DGKB: variants seen among roughly 807,000 people sequenced by gnomAD.
The protein encoded by DGKB is 90 kDa diacylglycerol kinase.
A neutral mutation model predicts 114.3 loss-of-function variants in DGKB; 67 were observed. The ratio of observed to expected loss-of-function variants is 0.59; its 90% confidence interval spans 0.48 to 0.72. DGKB has a LOEUF of 0.72. DGKB is among the 30% of genes least tolerant of loss of function. The probability of loss-of-function intolerance (pLI) is 0.00; values close to 1 mark genes in which losing one functional copy is unlikely to be tolerated. For synonymous variants in DGKB, 398 were observed against 323.1 expected (o/e 1.23, Z -2.49); for missense variants, 907 against 975.2 (o/e 0.93, Z 0.93).
chr7:14,588,791 C>T (rs1034744978), intron 17 of DGKB, among the ~76,000 whole-genome samples: 2 of 152,062 alleles, frequency 1.3e-5, no homozygotes, highest in African/African-American at 4.8e-5. Flanking sequence ...GCACTAGTAC[C>T]ATACTCTCGC....
chr7:14,174,691 A>G (rs891167330), intron 25 of DGKB, among the ~76,000 whole-genome samples: 3 of 152,022 alleles, frequency 2.0e-5, no homozygotes, highest in Non-Finnish European at 1.5e-5. Context: ...TTTTACCACT[A>G]TTTCCACCAT....
chr7:14,759,070 G>A (rs1297018704), intron 2 of DGKB, among the ~76,000 whole-genome samples: 1 of 152,076 alleles, frequency 6.6e-6, no homozygotes, highest in African/African-American at 2.4e-5. Flanking sequence ...GATTACAGGG[G>A]CTTACCACCA....
chr7:14,785,489 C>A (rs1454153350), intron 2 of DGKB, among the ~76,000 whole-genome samples: 4 of 151,916 alleles, frequency 2.6e-5, no homozygotes, highest in Non-Finnish European at 1.5e-5. Flanking sequence ...ATGGCATAAA[C>A]CTCAAACGTC....
chr7:14,584,697 C>T (rs917490486), intron 17 of DGKB, among the ~76,000 whole-genome samples: 7 of 150,560 alleles, frequency 4.6e-5, no homozygotes, highest in African/African-American at 9.8e-5. Flanking sequence ...TCACTTTTGT[C>T]GCCCAATATG....
At chr7:14,207,260 G>A (rs1012912948) in intron 23 of DGKB, among the ~76,000 whole-genome samples, 3 of 152,078 alleles carry the variant, frequency 2.0e-5, no homozygotes, top group African/African-American at 7.2e-5. Flanking sequence ...ATCAGAGTGT[G>A]AGTCATCGTG....
chr7:14,775,274 T>C (rs1025577734), intron 2 of DGKB, among the ~76,000 whole-genome samples: 3 of 152,016 alleles, frequency 2.0e-5, no homozygotes, highest in Admixed American at 2.0e-4. Context: ...TTTATAGCTG[T>C]ACCACAATTT....
chr7:14,886,877 T>G (rs566562762), intron 1 of DGKB, among the ~76,000 whole-genome samples: 69 of 152,070 alleles, frequency 4.5e-4, no homozygotes, highest in Middle Eastern at 3.4e-3. Flanking sequence ...ATCTGACTCC[T>G]GCTTAATCTC....
intron 23 of DGKB, among the ~76,000 whole-genome samples, chr7:14,206,786 T>C (rs1227648135): frequency 6.6e-6 from 1 of 152,094 alleles, no homozygotes; most frequent in Admixed American, 6.6e-5. Context: ...CAAATTCTAA[T>C]ATGCAAGTAA....
At chr7:14,371,159 A>T (rs1335131381) in intron 21 of DGKB, among the ~76,000 whole-genome samples, 1 of 152,102 alleles carries the variant, frequency 6.6e-6, no homozygotes. Context: ...TGGTAGAATC[A>T]TTTATTTTCT....
At chr7:14,345,077 A>T (rs552979757) in intron 22 of DGKB, among the ~76,000 whole-genome samples, 70 of 151,762 alleles carry the variant, frequency 4.6e-4, no homozygotes, top group Non-Finnish European at 9.2e-4. Flanking sequence ...TCCACTTCTC[A>T]TTCTTTTATA....
At chr7:14,273,429 T>C (rs1798549525) in intron 23 of DGKB, among the ~76,000 whole-genome samples, 3 of 152,160 alleles carry the variant, frequency 2.0e-5, no homozygotes, top group African/African-American at 7.2e-5. Flanking sequence ...GGCAATCTCA[T>C]TTCAGATGTA....
At position 14,750,793 on chromosome 7, in the gene DGKB, C is replaced by CTTTTTTTTTTTTTT. The variant is rs1016534410; in HGVS notation, c.168+3121_168+3134dup. On this transcript the variant is annotated intron_variant, in intron 4 of 25. Coordinates refer to ENST00000402815, the MANE Select transcript of DGKB (RefSeq NM_001350709.2). ...TCCCTTGAAAAAGCTATTTCTATTT[C>CTTTTTTTTTTTTTT]TTTTTTTTTTTTTTTTTTTTTTTCT... Among the ~76,000 whole-genome samples, 57 of 89,568 alleles carry CTTTTTTTTTTTTTT rather than the reference C, an allele frequency of 6.4e-4. 5 individuals are homozygous for CTTTTTTTTTTTTTT. Among genetic ancestry groups the CTTTTTTTTTTTTTT allele is most frequent in the African/African-American group, 1.3e-3 (26 of 19,462 alleles). 58.8% of individuals were successfully genotyped at this position (89,568 alleles called of 152,430 possible). A position where few individuals can be genotyped will look rare whatever the true frequency, so the allele number is the denominator to read the frequency against.
At chr7:14,345,776 T>C (rs930751723) in intron 21 of DGKB, among the ~76,000 whole-genome samples, 1 of 151,672 alleles carries the variant, frequency 6.6e-6, no homozygotes, top group Non-Finnish European at 1.5e-5. Context: ...ACTAATAATA[T>C]AGAATAAAAT....
chr7:14,821,796 G>C (rs1213593162), intron 2 of DGKB, among the ~76,000 whole-genome samples: 2 of 152,158 alleles, frequency 1.3e-5, no homozygotes, highest in Middle Eastern at 3.2e-3. Flanking sequence ...GGACATGTTG[G>C]AGAGAGACAT....
intron 1 of DGKB, among the ~76,000 whole-genome samples, chr7:14,856,002 TAC>T (rs1554307100): frequency 2.5e-5 from 2 of 80,016 alleles, no homozygotes; most frequent in African/African-American, 7.5e-5. Context: ...TATATATATA[TAC>T]ACACACACAC....
At chr7:14,616,282 T>C (rs1806504554) in intron 15 of DGKB, among the ~76,000 whole-genome samples, 1 of 150,182 alleles carries the variant, frequency 6.7e-6, no homozygotes. Context: ...AATATGATTT[T>C]GGACTAGTTT....
At chr7:14,297,988 C>T (rs1012158578) in intron 23 of DGKB, among the ~76,000 whole-genome samples, 1 of 152,134 alleles carries the variant, frequency 6.6e-6, no homozygotes, top group Non-Finnish European at 1.5e-5. Flanking sequence ...CCTAGGAATA[C>T]AACTTACAAG....
In DGKB at chr7:14,621,406, G is replaced by T; in HGVS notation, c.1256C>A (p.Ser419Tyr). 1.2e-6 allele frequency: 2 copies of T among 1,610,632 alleles called. No individual in the cohort carries two copies. The highest frequency in any genetic ancestry group is 1.1e-5 in the South Asian group (1 of 90,604). ...IDKNKMQRAN[S>Y]VTVDGQGLQV... ...CAGGCCTTGTCCATCTACAGTAACA[G>T]AGTTGGCTCTTTGCATTTTATTCTT... The change falls in exon 15 of 26, where the codon TCT becomes TAT. Residue 419 changes from serine (S) to tyrosine (Y), a missense_variant. Physicochemically the swap from Ser to Tyr is moderately radical, Grantham distance 144. This residue lies in a region of DGKB where 814 missense variants were observed against 856.6 expected (regional missense o/e 0.95). Coordinates refer to ENST00000402815, the MANE Select transcript of DGKB (RefSeq NM_001350709.2).
chr7:14,422,131 T>C (rs898667997), intron 21 of DGKB, among the ~76,000 whole-genome samples: 2 of 152,062 alleles, frequency 1.3e-5, no homozygotes, highest in Admixed American at 6.6e-5. Context: ...TATTACCTTC[T>C]TCAGTTCCAT....
Sources: allele counts gnomAD v4.1 joint callset (sites outside exome capture counted in the v4.1 genomes callset), GRCh38; gene constraint gnomAD v4.1.1; regional missense constraint gnomAD v4.1.1; transcripts MANE v1.5; gene names NCBI Gene and HGNC (gene_info 2026-07-23, HGNC 2026-07-21).